NRXN3: variants seen among roughly 807,000 people sequenced by gnomAD.
NRXN3 encodes the protein neurexin 3, also known as neurexin III.
In NRXN3, 32 loss-of-function variants were observed where a neutral mutation model predicts 137.6. The observed-to-expected ratio is 0.23, with a 90% CI of 0.18 to 0.31. NRXN3 has a LOEUF of 0.31. Among genes scored for constraint, NRXN3 ranks in the 10% least tolerant of loss-of-function variants. The pLI is 1.00. For missense variants in NRXN3, 1,574 were observed against 2,062.5 expected, an observed-to-expected ratio of 0.76 and a Z score of 4.59; for synonymous variants, 798 against 784.5, an observed-to-expected ratio of 1.02 and a Z score of -0.29.
intron 1 of NRXN3, among the ~76,000 whole-genome samples, chr14:78,171,175 T>C (rs2058685715): frequency 6.6e-6 from 1 of 151,350 alleles, no homozygotes; most frequent in Non-Finnish European, 1.5e-5. Flanking sequence ...GACAGGGATT[T>C]CCCTAGCTGT....
chr14:78,312,685 A>T (rs1292098633), intron 4 of NRXN3, among the ~76,000 whole-genome samples: 1 of 151,428 alleles, frequency 6.6e-6, no homozygotes, highest in Non-Finnish European at 1.5e-5. Flanking sequence ...CATGTGTCTG[A>T]TGGGTTAAGT....
chr14:78,841,406 A>T (rs1358632000), intron 10 of NRXN3, among the ~76,000 whole-genome samples: 1 of 151,964 alleles, frequency 6.6e-6, no homozygotes, highest in Non-Finnish European at 1.5e-5. Flanking sequence ...TTAAGAATTA[A>T]CTTCCCAGGC....
At chr14:79,381,222 GAA>G (rs1295865601) in intron 15 of NRXN3, among the ~76,000 whole-genome samples, 1 of 130,906 alleles carries the variant, frequency 7.6e-6, no homozygotes, top group Non-Finnish European at 1.6e-5. Flanking sequence ...TTTTTTTTTT[GAA>G]AAATAATAGA....
At chr14:78,814,612 TCAAAAA>T (rs1384078174) in intron 10 of NRXN3, among the ~76,000 whole-genome samples, 7 of 152,256 alleles carry the variant, frequency 4.6e-5, no homozygotes, top group South Asian at 2.1e-4. Flanking sequence ...AGACTCCATC[TCAAAAA>T]CAAAAACAAA....
chr14:79,269,331 G>C (rs1266400927), intron 15 of NRXN3, among the ~76,000 whole-genome samples: 2 of 152,228 alleles, frequency 1.3e-5, no homozygotes, highest in African/African-American at 2.4e-5. Flanking sequence ...TTACAGGAGT[G>C]AGCCACCGCA....
chr14:78,389,293 T>C (rs746649721), intron 4 of NRXN3, among the ~76,000 whole-genome samples: 2 of 152,092 alleles, frequency 1.3e-5, no homozygotes, highest in Admixed American at 6.6e-5. Context: ...TCACCTCAGG[T>C]GATCCGTCCT....
Position 78,490,570 on chromosome 14 carries a change from C to T in NRXN3, c.758-154550C>T, listed in dbSNP as rs540479014. On this transcript the variant is annotated intron_variant, in intron 4 of 20. Coordinates refer to ENST00000335750, the MANE Select transcript of NRXN3 (RefSeq NM_001330195.2). Reference sequence around the variant, plus strand: ...GCATCTGGTGGTGGGGAGCTTACTACCCTTTAAGGAAAGTCATTGTTTAAA... The same window carrying T: ...GCATCTGGTGGTGGGGAGCTTACTATCCTTTAAGGAAAGTCATTGTTTAAA... 7.2e-5 allele frequency among the ~76,000 whole-genome samples: 11 copies of T among 152,146 alleles called. No individual in the cohort carries two copies. The East Asian group carries it at 1.2e-3, about 16-fold the overall frequency.
chr14:78,280,449 T>A (rs1248761605), intron 3 of NRXN3, among the ~76,000 whole-genome samples: 1 of 152,140 alleles, frequency 6.6e-6, no homozygotes, highest in African/African-American at 2.4e-5. Context: ...TCTGATAAGA[T>A]GATATTTGCT....
intron 20 of NRXN3, among the ~76,000 whole-genome samples, chr14:79,830,621 T>C (rs1277654807): frequency 6.6e-6 from 1 of 152,198 alleles, no homozygotes; most frequent in Non-Finnish European, 1.5e-5. Flanking sequence ...GCCAGGATTA[T>C]GGAAAAGAAG....
intron 10 of NRXN3, among the ~76,000 whole-genome samples, chr14:78,915,810 A>G (rs2099253862): frequency 6.6e-6 from 1 of 152,102 alleles, no homozygotes; most frequent in African/African-American, 2.4e-5. Context: ...GCAGTGATTC[A>G]CAGAACTTAG....
chr14:79,624,847 A>C (rs1485501129), intron 16 of NRXN3, among the ~76,000 whole-genome samples: 7 of 142,904 alleles, frequency 4.9e-5, no homozygotes, highest in Non-Finnish European at 1.0e-4. Context: ...ACTGTTGCCC[A>C]GGCTGGAGTA....
At chr14:79,450,152 C>A (rs75999596) in intron 15 of NRXN3, among the ~76,000 whole-genome samples, 5,297 of 151,964 alleles carry the variant, frequency 0.035, 143 homozygotes, top group Middle Eastern at 0.075. Flanking sequence ...TTCTTACTTC[C>A]CAAACAGCAT....
At chr14:78,832,666 A>T (rs1490436201) in intron 10 of NRXN3, among the ~76,000 whole-genome samples, 1 of 152,178 alleles carries the variant, frequency 6.6e-6, no homozygotes. Context: ...CATTGTAAGC[A>T]AAAGACATCT....
chr14:78,506,074 A>C lies in NRXN3; in HGVS notation c.758-139046A>C, dbSNP rs145703579. 8.5e-3 allele frequency among the ~76,000 whole-genome samples: 1,296 copies of C among 152,216 alleles called. 20 individuals are homozygous for C. Among genetic ancestry groups the C allele is most frequent in the African/African-American group, 0.03 (1,244 of 41,524 alleles). On this transcript the variant is annotated intron_variant, in intron 4 of 20. Transcript: ENST00000335750. ...CTATGGGCACAATGTTGTATAGCAG[A>C]TCTCTAAAATTTATTCATTGAGCCT...
At chr14:79,424,562 G>T (rs530535001) in intron 15 of NRXN3, among the ~76,000 whole-genome samples, 1 of 152,246 alleles carries the variant, frequency 6.6e-6, no homozygotes, top group Non-Finnish European at 1.5e-5. Flanking sequence ...TCTTCAGGGA[G>T]ATTTGTATAA....
chr14:78,257,960 T>C (rs2069951476), intron 2 of NRXN3, among the ~76,000 whole-genome samples: 1 of 152,180 alleles, frequency 6.6e-6, no homozygotes, highest in African/African-American at 2.4e-5. Context: ...GAAGGGCTGA[T>C]TGCAGAGATA....
Position 79,565,256 on chromosome 14 carries a change from C to CATATATGTGTGTGTAT in NRXN3, c.3444+97859_3444+97860insTGTGTGTGTATATATA, listed in dbSNP as rs1297119249. Among the ~76,000 whole-genome samples the CATATATGTGTGTGTAT allele has an allele frequency of 3.3e-4, 5 of 15,176 alleles. No homozygotes were observed. The South Asian group carries it at 0.016, about 49-fold the overall frequency. The allele number at this position is 15,176 out of a possible 152,430, so 10.0% of individuals were successfully genotyped here. On this transcript the variant is annotated intron_variant, in intron 16 of 20. Coordinates refer to ENST00000335750, the MANE Select transcript of NRXN3 (RefSeq NM_001330195.2). ...ATACATATATGTGTGTGTATATATACATATACACATGTGTGTGTGTATACA... is the reference window on the plus strand; with the variant it reads ...ATACATATATGTGTGTGTATATATACATATATGTGTGTGTATATATACACATGTGTGTGTGTATACA...
intron 15 of NRXN3, among the ~76,000 whole-genome samples, chr14:79,376,265 T>TATATAC (rs1566950685): frequency 8.3e-5 from 6 of 72,690 alleles, no homozygotes; most frequent in African/African-American, 1.8e-4. Context: ...TATATATATA[T>TATATAC]ACACATACAT....
chr14:79,242,788 G>A (rs2074514550), intron 15 of NRXN3, among the ~76,000 whole-genome samples: 1 of 152,120 alleles, frequency 6.6e-6, no homozygotes, highest in Non-Finnish European at 1.5e-5. Context: ...TCCTGTTACA[G>A]CATCTGCCTG....
Sources: gnomAD v4.1 joint callset for allele counts (sites outside exome capture counted in the v4.1 genomes callset) on GRCh38, gnomAD v4.1.1 for gene constraint, MANE v1.5 for transcripts, NCBI Gene and HGNC (gene_info 2026-07-23, HGNC 2026-07-21) for gene names.